TCF7L2: variants seen among roughly 807,000 people sequenced by gnomAD.
TCF7L2 encodes transcription factor 7-like 2.
Under a neutral mutation model 77.9 loss-of-function variants are expected in TCF7L2, and 23 were observed. The observed-to-expected ratio is 0.30, with a 90% CI of 0.21 to 0.42. TCF7L2 has a LOEUF of 0.42. Among genes scored for constraint, TCF7L2 ranks in the 10% least tolerant of loss-of-function variants. TCF7L2 has a pLI of 1.00. For missense variants in TCF7L2, 654 were observed against 793.1 expected (o/e 0.82, Z 2.11); for synonymous variants, 413 against 340.2 (o/e 1.21, Z -2.36).
At chr10:113,145,960 CCCA>C in intron 7 of TCF7L2, 48 bp from the exon 8 acceptor site, 7 of 1,011,948 alleles carry the variant, frequency 6.9e-6, no homozygotes, top group Middle Eastern at 2.2e-4. Flanking sequence ...TTTTCTTGTC[CCCA>C]CCCCCACCCT....
At chr10:113,023,870 A>G (rs980465261) in intron 4 of TCF7L2, among the ~76,000 whole-genome samples, 5 of 151,792 alleles carry the variant, frequency 3.3e-5, no homozygotes, top group African/African-American at 9.6e-5. Flanking sequence ...GGGTTTCACC[A>G]TGTTGGCCAG....
At chr10:113,056,437 T>C (rs2055391615) in intron 5 of TCF7L2, among the ~76,000 whole-genome samples, 1 of 152,074 alleles carries the variant, frequency 6.6e-6, no homozygotes, top group Non-Finnish European at 1.5e-5. Context: ...GACTCAATAA[T>C]AGAAACAAAA....
chr10:113,071,846 C>T (rs980932458), intron 5 of TCF7L2, among the ~76,000 whole-genome samples: 7 of 152,106 alleles, frequency 4.6e-5, no homozygotes, highest in East Asian at 3.9e-4. Context: ...TGGAGGACTC[C>T]CCCCCACCCC....
intron 5 of TCF7L2, among the ~76,000 whole-genome samples, chr10:113,118,649 T>G (rs1278211598): frequency 5.9e-5 from 2 of 34,002 alleles, no homozygotes; most frequent in South Asian, 8.1e-4. Flanking sequence ...GGAAGTTTTT[T>G]TTTTGTTTTT....
chr10:112,969,931 T>C (rs1201443519), intron 4 of TCF7L2, among the ~76,000 whole-genome samples: 4 of 152,204 alleles, frequency 2.6e-5, no homozygotes, highest in Admixed American at 2.0e-4. Flanking sequence ...CTCTCAGCAT[T>C]ATTCCAAACC....
rs548108133 is a variant in TCF7L2 at position 112,950,475 on chromosome 10, T to G, written c.-282T>G. 7.0e-5 allele frequency: 18 copies of G among 257,842 alleles called. No homozygotes were observed. Among genetic ancestry groups the G allele is most frequent in the African/African-American group, 4.0e-4 (17 of 42,972 alleles). The allele number at this position is 257,842 out of a possible 1,614,324, so 16.0% of individuals were successfully genotyped here. On this transcript the variant is annotated 5_prime_UTR_variant, in exon 1 of 14. Transcript: ENST00000627217. ...TTTTTTTTTTTTTTACCCCCCTTTT[T>G]TATTTATTATTTTTTTGCACATTGA...
chr10:113,085,611 C>T (rs112188045), intron 5 of TCF7L2, among the ~76,000 whole-genome samples: 3,164 of 152,272 alleles, frequency 0.021, 100 homozygotes, highest in African/African-American at 0.071. Flanking sequence ...ATGGAATACA[C>T]AAATATTACT....
chr10:113,076,747 T>C (rs2058738438), intron 5 of TCF7L2, among the ~76,000 whole-genome samples: 1 of 152,230 alleles, frequency 6.6e-6, no homozygotes, highest in African/African-American at 2.4e-5. Context: ...CTGTCACTGT[T>C]CTTGAAAACT....
chr10:112,980,273 C>A (rs1564739201), intron 4 of TCF7L2, among the ~76,000 whole-genome samples: 1 of 152,146 alleles, frequency 6.6e-6, no homozygotes, highest in African/African-American at 2.4e-5. Flanking sequence ...CTTTTCAGGG[C>A]CTTCTGTGGT....
At chr10:112,962,724 G>A (rs922371866) in intron 3 of TCF7L2, among the ~76,000 whole-genome samples, 4 of 152,106 alleles carry the variant, frequency 2.6e-5, no homozygotes, top group Non-Finnish European at 5.9e-5. Flanking sequence ...TCAGCCTCCT[G>A]AGTAGCTGGG....
At chr10:113,037,282 T>G (rs967251786) in intron 4 of TCF7L2, among the ~76,000 whole-genome samples, 6 of 152,150 alleles carry the variant, frequency 3.9e-5, no homozygotes, top group Admixed American at 3.3e-4. Context: ...TGGATTTGTG[T>G]GTACCCAGCG....
chr10:113,151,734 G>C lies in TCF7L2; in HGVS notation c.1011G>C (p.Gln337His), dbSNP rs2070793159. The change falls in exon 10 of 14, where the codon CAG becomes CAC. Residue 337 changes from glutamine to histidine, a missense_variant. By Grantham distance (24) the Gln-to-His change is conservative. Coordinates refer to ENST00000627217, the MANE Select transcript of TCF7L2 (RefSeq NM_001146274.2). The surrounding 1 kb of genome is among the most constrained non-coding windows in gnomAD (Gnocchi z 5.2). ...TTTTGTCTATCTCCAGAAAGCATCA[G>C]GACTCCAAAAAGGAAGAAGAAAAGA... 1 of 1,598,280 alleles carries C rather than the reference G, an allele frequency of 6.3e-7. No homozygotes were observed. Among genetic ancestry groups the C allele is most frequent in the African/African-American group, 1.4e-5 (1 of 73,542 alleles).
At chr10:113,063,059 T>C (rs2056724498) in intron 5 of TCF7L2, among the ~76,000 whole-genome samples, 1 of 152,236 alleles carries the variant, frequency 6.6e-6, no homozygotes, top group African/African-American at 2.4e-5. Context: ...TTCAATTCTC[T>C]GTCTCCTACT....
intron 4 of TCF7L2, among the ~76,000 whole-genome samples, chr10:113,018,952 G>C (rs1260049757): frequency 6.6e-6 from 1 of 152,306 alleles, no homozygotes; most frequent in Admixed American, 6.5e-5. Flanking sequence ...GAAAGTTCTT[G>C]TGGGTGTGAT....
chr10:112,955,809 TG>T (rs1487460456), intron 3 of TCF7L2, among the ~76,000 whole-genome samples: 1 of 152,182 alleles, frequency 6.6e-6, no homozygotes, highest in Non-Finnish European at 1.5e-5. Context: ...CTGTTTGCCG[TG>T]CTGGATCGCT....
chr10:113,109,953 G>A (rs1358235507), intron 5 of TCF7L2, among the ~76,000 whole-genome samples: 1 of 152,162 alleles, frequency 6.6e-6, no homozygotes, highest in Admixed American at 6.5e-5. Flanking sequence ...CTTTTAAAAA[G>A]TGACTTGTTT....
At chr10:113,154,986 T>G (rs1290229412) in intron 11 of TCF7L2, among the ~76,000 whole-genome samples, 1 of 151,010 alleles carries the variant, frequency 6.6e-6, no homozygotes, top group Non-Finnish European at 1.5e-5. Flanking sequence ...ACTAGTATTT[T>G]TTTTTTTTTT....
chr10:113,007,100 T>A (rs2045684499), intron 4 of TCF7L2, among the ~76,000 whole-genome samples: 2 of 152,254 alleles, frequency 1.3e-5, no homozygotes. Context: ...AGTTAACAAA[T>A]GCTTTCTTCC....
chr10:112,987,059 C>T (rs760482450), intron 4 of TCF7L2, among the ~76,000 whole-genome samples: 3 of 152,166 alleles, frequency 2.0e-5, no homozygotes, highest in Non-Finnish European at 4.4e-5. Flanking sequence ...CTTTTGTGGG[C>T]ACTGGAAACG....
Sources: gnomAD v4.1 joint callset for allele counts (sites outside exome capture counted in the v4.1 genomes callset) on GRCh38, gnomAD v4.1.1 for gene constraint, Gnocchi (gnomAD v3.1) non-coding constraint, MANE v1.5 for transcripts, NCBI Gene and HGNC (gene_info 2026-07-23, HGNC 2026-07-21) for gene names.